Variants in LMO7 observed in about 807,000 individuals in gnomAD.
The protein encoded by LMO7 is LIM domain only protein 7.
In LMO7, 120 loss-of-function variants were observed where a neutral mutation model predicts 206.5. The observed-to-expected ratio is 0.58, with a 90% CI of 0.50 to 0.68. The LOEUF is 0.68. Ranked by LOEUF, LMO7 falls within the 30% of genes least tolerant of loss-of-function variation. The pLI is 0.00. For missense variants in LMO7, 1,959 were observed against 1,957.9 expected (o/e 1.00, Z -0.01); for synonymous variants, 706 against 681.5 (o/e 1.04, Z -0.56).
intron 1 of LMO7, among the ~76,000 whole-genome samples, chr13:75,711,150 C>T (rs1305054768): frequency 1.3e-5 from 2 of 152,124 alleles, no homozygotes; most frequent in African/African-American, 4.8e-5. Context: ...GGATGAAGCC[C>T]AGTTGATCAT....
chr13:75,787,940 G>C (rs1595001046), intron 4 of LMO7, among the ~76,000 whole-genome samples: 1 of 152,288 alleles, frequency 6.6e-6, no homozygotes, highest in South Asian at 2.1e-4. Flanking sequence ...GTTTGACATA[G>C]TGATGAGAGA....
At chr13:75,655,284 G>A (rs17704375) in intron 1 of LMO7, among the ~76,000 whole-genome samples, 3,893 of 152,276 alleles carry the variant, frequency 0.026, 84 homozygotes, top group Admixed American at 0.035. Context: ...CCTCTGAAGC[G>A]TGTAGAGTTT....
chr13:75,851,912 G>C (rs4885353), intron 27 of LMO7, among the ~76,000 whole-genome samples: 49,029 of 151,892 alleles, frequency 0.32, 8,901 homozygotes, highest in South Asian at 0.47. Context: ...TTGAAAGCCA[G>C]TGCCACCATT....
chr13:75,710,244 CT>C (rs2042985573), intron 1 of LMO7, among the ~76,000 whole-genome samples: 1 of 152,150 alleles, frequency 6.6e-6, no homozygotes. Flanking sequence ...ATACCTCCAG[CT>C]TTTTTCTTTT....
rs764498553 is a variant in LMO7 at position 75,821,381 on chromosome 13, T to C, written c.2412T>C (p.Arg804=). The change falls in exon 14 of 31, where the codon CGT becomes CGC. Residue 804 remains arginine (R), a synonymous_variant. Coordinates refer to ENST00000377534, the MANE Select transcript of LMO7 (RefSeq NM_001306080.2). ...DSTTFAKRED[R]VTTEIQLPSQ... The stretch of plus-strand genomic sequence containing the variant: ...CCACTTTTGCAAAAAGAGAGGACCG[T>C]GTAACAACTGAAATTCAGCTTCCTT... 6 of 1,614,176 alleles carry C rather than the reference T, an allele frequency of 3.7e-6. No homozygotes were observed. Among genetic ancestry groups the C allele is most frequent in the Non-Finnish European group, 4.2e-6 (5 of 1,179,998 alleles).
At chr13:75,676,959 T>C (rs2040066090) in intron 1 of LMO7, among the ~76,000 whole-genome samples, 1 of 152,228 alleles carries the variant, frequency 6.6e-6, no homozygotes, top group Non-Finnish European at 1.5e-5. Context: ...CTATGAAGTT[T>C]TACTTTTGGA....
At chr13:75,817,879 G>A (rs976226233) in intron 12 of LMO7, among the ~76,000 whole-genome samples, 1 of 152,006 alleles carries the variant, frequency 6.6e-6, no homozygotes, top group Non-Finnish European at 1.5e-5. Flanking sequence ...GAAGAAAAAA[G>A]CTTGACCATT....
intron 7 of LMO7, 71 bp downstream of exon 7, chr13:75,800,953 A>G: frequency 6.8e-7 from 1 of 1,465,552 alleles, no homozygotes; most frequent in South Asian, 1.2e-5. Context: ...GAGAGAATAG[A>G]AAAATGGAGC....
chr13:75,693,227 T>C (rs532146050), intron 1 of LMO7, among the ~76,000 whole-genome samples: 1 of 152,376 alleles, frequency 6.6e-6, no homozygotes, highest in South Asian at 2.1e-4. Flanking sequence ...TAATCCATCA[T>C]CCTTCTTATT....
intron 4 of LMO7, among the ~76,000 whole-genome samples, chr13:75,768,052 T>A (rs546227294): frequency 6.6e-6 from 1 of 152,178 alleles, no homozygotes; most frequent in East Asian, 1.9e-4. Context: ...GATGTTGTAA[T>A]GATTAAATGA....
intron 2 of LMO7, chr13:75,627,658 CT>C (rs1459149955): frequency 6.6e-6 from 1 of 152,022 alleles, no homozygotes; most frequent in Non-Finnish European, 1.5e-5. Context: ...CTATTTTTAT[CT>C]TTGATTATCC....
At chr13:75,677,540 A>G (rs2040112093) in intron 1 of LMO7, among the ~76,000 whole-genome samples, 1 of 152,206 alleles carries the variant, frequency 6.6e-6, no homozygotes, top group Admixed American at 6.5e-5. Context: ...CCAGCCAAAT[A>G]CATAATCCAG....
intron 1 of LMO7, among the ~76,000 whole-genome samples, chr13:75,701,447 G>C (rs1184687063): frequency 2.6e-5 from 4 of 152,176 alleles, no homozygotes; most frequent in African/African-American, 9.7e-5. Context: ...GCCTTTCCTA[G>C]TAATTCACAG....
intron 1 of LMO7, among the ~76,000 whole-genome samples, chr13:75,653,797 A>G (rs933872183): frequency 6.6e-6 from 1 of 152,228 alleles, no homozygotes; most frequent in African/African-American, 2.4e-5. Flanking sequence ...TACACTTGCA[A>G]TTCTGGTACC....
rs1365766534 is a variant in LMO7 at position 75,808,045 on chromosome 13, A to T, written c.1762A>T (p.Met588Leu). ...VPSYRQKKDDMLTRKIQSWKL... is the reference protein window; with the variant it reads ...VPSYRQKKDDLLTRKIQSWKL... The stretch of plus-strand genomic sequence containing the variant: ...TTCATATCGGCAGAAGAAAGATGAC[A>T]TGCTGACACGTAAGATTCAGTCCTG... Residue 588 changes from methionine to leucine, a missense_variant, in exon 10 of 31, where the codon ATG (methionine) becomes TTG (leucine). Physicochemically the swap from Met to Leu is conservative, Grantham distance 15. Coordinates refer to ENST00000377534, the MANE Select transcript of LMO7 (RefSeq NM_001306080.2). 4 of 1,614,006 alleles carry T rather than the reference A, an allele frequency of 2.5e-6. No individual in the cohort carries two copies. The highest frequency in any genetic ancestry group is 3.4e-6 in the Non-Finnish European group (4 of 1,179,884).
At chr13:75,726,363 CT>C (rs1208678336) in intron 2 of LMO7, among the ~76,000 whole-genome samples, 1 of 151,954 alleles carries the variant, frequency 6.6e-6, no homozygotes, top group Non-Finnish European at 1.5e-5. Context: ...ACATAGATAT[CT>C]TTGCAGTGTC....
intron 1 of LMO7, among the ~76,000 whole-genome samples, chr13:75,652,072 A>G (rs549594715): frequency 6.6e-6 from 1 of 152,150 alleles, no homozygotes; most frequent in South Asian, 2.1e-4. Context: ...CCCTTTTCAT[A>G]GTATTTTGCT....
intron 1 of LMO7, among the ~76,000 whole-genome samples, chr13:75,643,030 G>A (rs2036696731): frequency 6.6e-6 from 1 of 152,216 alleles, no homozygotes; most frequent in Non-Finnish European, 1.5e-5. Flanking sequence ...TAAGCCATTT[G>A]TAAAGCACAA....
chr13:75,800,367 A>G (rs2054573925), intron 6 of LMO7, among the ~76,000 whole-genome samples: 1 of 152,216 alleles, frequency 6.6e-6, no homozygotes, highest in Non-Finnish European at 1.5e-5. Context: ...ATGTTACTCT[A>G]TGAACTTTCA....
Sources: gnomAD v4.1 joint callset for allele counts (sites outside exome capture counted in the v4.1 genomes callset) on GRCh38, gnomAD v4.1.1 for gene constraint, MANE v1.5 for transcripts, NCBI Gene and HGNC (gene_info 2026-07-23, HGNC 2026-07-21) for gene names.